Variants in NPAS3 observed in about 807,000 individuals in gnomAD.
NPAS3 encodes the protein neuronal PAS domain-containing protein 3.
NPAS3 carries 14 observed loss-of-function variants against 73.1 expected under a neutral mutation model. The ratio of observed to expected loss-of-function variants is 0.19; its 90% CI spans 0.13 to 0.30. The LOEUF (loss-of-function observed/expected upper bound fraction) is 0.30, where lower values mean the gene tolerates loss of function less well. Among genes scored for constraint, NPAS3 ranks in the 10% least tolerant of loss-of-function variants. NPAS3 has a pLI of 1.00. For missense variants in NPAS3, 1,096 were observed against 1,250.0 expected (o/e 0.88, Z 1.86); for synonymous variants, 620 against 541.5 (o/e 1.14, Z -2.01).
chr14:33,305,198 T>C (rs2042708819), intron 3 of NPAS3, among the ~76,000 whole-genome samples: 1 of 152,110 alleles, frequency 6.6e-6, no homozygotes. Context: ...TGAATCATCA[T>C]TGTATTCCAA....
intron 5 of NPAS3, among the ~76,000 whole-genome samples, chr14:33,606,196 A>T (rs1054300718): frequency 2.0e-5 from 3 of 148,940 alleles, no homozygotes; most frequent in Admixed American, 2.0e-4. Flanking sequence ...AGCATTAGGT[A>T]TATCTCCTAA....
chr14:33,770,053 C>T (rs1021253320), intron 7 of NPAS3, among the ~76,000 whole-genome samples: 17 of 152,076 alleles, frequency 1.1e-4, no homozygotes, highest in African/African-American at 4.1e-4. Flanking sequence ...GTGTGAGCCA[C>T]AATGCCCAGC....
chr14:33,570,834 G>T (rs1350112565), intron 5 of NPAS3, among the ~76,000 whole-genome samples: 1 of 152,156 alleles, frequency 6.6e-6, no homozygotes, highest in South Asian at 2.1e-4. Context: ...ATCAGATAGT[G>T]CCTTTTAAAA....
At chr14:33,461,878 T>G (rs1384928616) in intron 4 of NPAS3, among the ~76,000 whole-genome samples, 1 of 152,176 alleles carries the variant, frequency 6.6e-6, no homozygotes. Flanking sequence ...TTTCATCACT[T>G]GTGAAATGGG....
intron 2 of NPAS3, among the ~76,000 whole-genome samples, chr14:33,093,299 AG>A (rs200903006): frequency 0.011 from 1,640 of 152,322 alleles, 29 homozygotes; most frequent in African/African-American, 0.038. Context: ...CCTATCAAAA[AG>A]TGGGCAAAGG....
At chr14:33,164,544 A>T (rs1169689627) in intron 2 of NPAS3, among the ~76,000 whole-genome samples, 1 of 152,160 alleles carries the variant, frequency 6.6e-6, no homozygotes. Context: ...CAACTTAAAA[A>T]AAAACCACAG....
At chr14:33,340,288 A>C (rs946233854) in intron 3 of NPAS3, among the ~76,000 whole-genome samples, 2 of 152,200 alleles carry the variant, frequency 1.3e-5, no homozygotes, top group Non-Finnish European at 2.9e-5. Context: ...TGAGGTCAGG[A>C]GTTTGAGACC....
At chr14:33,656,913 A>ATATC (rs139369675) in intron 5 of NPAS3, among the ~76,000 whole-genome samples, 1,571 of 152,252 alleles carry the variant, frequency 0.01, 25 homozygotes, top group African/African-American at 0.036. Context: ...TGTCAAAGAG[A>ATATC]TATCTGCCCT....
chr14:33,736,777 C>T lies in NPAS3; in HGVS notation c.852+1445C>T, dbSNP rs1421399452. The stretch of plus-strand genomic sequence containing the variant: ...TCATTTTTACTGGTTTGGAGGGGCA[C>T]ATCCCAGGAGGGAAGAAGGGTGCCA... On this transcript the variant is annotated intron_variant, in intron 7 of 11. Transcript: ENST00000356141. 2.6e-5 allele frequency among the ~76,000 whole-genome samples: 4 copies of T among 152,092 alleles called. No individual in the cohort carries two copies. In the East Asian group the frequency reaches 7.7e-4, roughly 29 times the overall value.
intron 2 of NPAS3, 62 bp downstream of exon 2, chr14:33,056,056 C>A: frequency 1.4e-6 from 1 of 719,006 alleles, no homozygotes; most frequent in Non-Finnish European, 2.5e-6. Context: ...TGGTTGCCAG[C>A]TATTCAAAAA....
chr14:33,521,553 G>C (rs1195899653), intron 4 of NPAS3, among the ~76,000 whole-genome samples: 1 of 144,362 alleles, frequency 6.9e-6, no homozygotes, highest in Non-Finnish European at 1.5e-5. Flanking sequence ...AGATGTGTAA[G>C]AATTAAAAAT....
At chr14:33,711,703 G>T (rs1294771953) in intron 6 of NPAS3, among the ~76,000 whole-genome samples, 1 of 152,144 alleles carries the variant, frequency 6.6e-6, no homozygotes, top group Non-Finnish European at 1.5e-5. Flanking sequence ...CAGCTAGGGG[G>T]TGTGGACAGG....
intron 7 of NPAS3, among the ~76,000 whole-genome samples, chr14:33,738,122 G>A (rs1402827055): frequency 6.6e-6 from 1 of 152,108 alleles, no homozygotes; most frequent in Non-Finnish European, 1.5e-5. Flanking sequence ...CACACAACAG[G>A]ATTATTTGAA....
At chr14:33,021,704 C>A (rs1446770637) in intron 1 of NPAS3, among the ~76,000 whole-genome samples, 2 of 152,134 alleles carry the variant, frequency 1.3e-5, no homozygotes, top group Non-Finnish European at 2.9e-5. Context: ...CTCTTCTGAG[C>A]CCCTCAGCAC....
At chr14:33,444,228 G>C (rs544708205) in intron 4 of NPAS3, among the ~76,000 whole-genome samples, 13 of 152,276 alleles carry the variant, frequency 8.5e-5, no homozygotes, top group African/African-American at 2.9e-4. Context: ...TCTTTATGAT[G>C]ATGACCACAG....
intron 1 of NPAS3, among the ~76,000 whole-genome samples, chr14:33,004,233 G>A (rs1357069681): frequency 6.6e-6 from 1 of 152,104 alleles, no homozygotes; most frequent in Non-Finnish European, 1.5e-5. Flanking sequence ...TACATCATTA[G>A]GCTCCTTTGT....
chr14:33,345,288 G>A (rs552294961), intron 3 of NPAS3, among the ~76,000 whole-genome samples: 1 of 152,316 alleles, frequency 6.6e-6, no homozygotes, highest in African/African-American at 2.4e-5. Context: ...TGAACCGAAT[G>A]TGAGAGGCAA....
chr14:33,697,952 A>G (rs1405568056), intron 6 of NPAS3, among the ~76,000 whole-genome samples: 1 of 152,216 alleles, frequency 6.6e-6, no homozygotes. Flanking sequence ...AGAAATTTCC[A>G]TTCTGGAAGA....
chr14:33,628,807 C>T (rs997740140), intron 5 of NPAS3, among the ~76,000 whole-genome samples: 4 of 152,246 alleles, frequency 2.6e-5, no homozygotes, highest in Admixed American at 6.5e-5. Flanking sequence ...AGTAAGAAAA[C>T]GATACAATTT....
Sources: allele counts gnomAD v4.1 joint callset (sites outside exome capture counted in the v4.1 genomes callset), GRCh38; gene constraint gnomAD v4.1.1; transcripts MANE v1.5; gene names NCBI Gene and HGNC (gene_info 2026-07-23, HGNC 2026-07-21).